FBXL13: variants seen among roughly 807,000 people sequenced by gnomAD.
The protein encoded by FBXL13 is F-box and leucine rich repeat protein 13, also known as F-box and leucine-rich repeat protein 13.
In FBXL13, 67 loss-of-function variants were observed where a neutral mutation model predicts 83.6. The ratio of observed to expected loss-of-function variants is 0.80; its 90% CI spans 0.66 to 0.98. FBXL13 has a LOEUF of 0.98. Ranked by LOEUF, FBXL13 falls within the 50% of genes least tolerant of loss-of-function variation. The probability of loss-of-function intolerance (pLI) is 0.00; values close to 1 mark genes in which losing one functional copy is unlikely to be tolerated. For synonymous variants in FBXL13, 272 were observed against 299.5 expected (o/e 0.91, Z 0.95); for missense variants, 822 against 866.5 (o/e 0.95, Z 0.64).
At chr7:103,060,065 C>CAT (rs1554517936) in intron 1 of FBXL13, among the ~76,000 whole-genome samples, 5 of 38,676 alleles carry the variant, frequency 1.3e-4, no homozygotes, top group East Asian at 7.3e-4. Context: ...TATATATATA[C>CAT]TTTTTTTTTT....
At chr7:103,022,030 C>T (rs1793241807) in intron 6 of FBXL13, among the ~76,000 whole-genome samples, 3 of 152,126 alleles carry the variant, frequency 2.0e-5, no homozygotes, top group Admixed American at 2.0e-4. Flanking sequence ...CACATGCACA[C>T]GTATGTTTAT....
At chr7:103,026,900 G>A (rs1299391471) in intron 5 of FBXL13, among the ~76,000 whole-genome samples, 3 of 152,072 alleles carry the variant, frequency 2.0e-5, no homozygotes, top group Non-Finnish European at 4.4e-5. Context: ...AATCCAGCAT[G>A]TTTCTACATC....
chr7:103,029,132 T>C (rs902099322), intron 3 of FBXL13, among the ~76,000 whole-genome samples: 19 of 152,030 alleles, frequency 1.2e-4, no homozygotes, highest in African/African-American at 4.3e-4. Flanking sequence ...TAAAGTTTTA[T>C]TTTTTAAGAA....
At chr7:102,983,468 G>A (rs1042014516) in intron 6 of FBXL13, among the ~76,000 whole-genome samples, 2 of 147,764 alleles carry the variant, frequency 1.4e-5, no homozygotes, top group Non-Finnish European at 3.0e-5. Context: ...CACCCAGGCT[G>A]GAGTGCAGTG....
At chr7:102,993,410 A>G (rs182316211) in intron 6 of FBXL13, among the ~76,000 whole-genome samples, 1 of 152,378 alleles carries the variant, frequency 6.6e-6, no homozygotes, top group East Asian at 1.9e-4. Context: ...GCAAGTCCAC[A>G]TGACATATAT....
chr7:102,963,320 CA>C (rs1263420772), intron 8 of FBXL13, among the ~76,000 whole-genome samples: 134 of 126,810 alleles, frequency 1.1e-3, no homozygotes, highest in Middle Eastern at 4.6e-3. Flanking sequence ...GACTCCATCT[CA>C]AAAAAAAAAA....
intron 6 of FBXL13, among the ~76,000 whole-genome samples, chr7:103,015,389 G>A (rs900782887): frequency 6.6e-6 from 1 of 152,146 alleles, no homozygotes; most frequent in Non-Finnish European, 1.5e-5. Flanking sequence ...AAGGAAGAGA[G>A]AAAGTCAAAC....
At position 103,034,246 on chromosome 7, in the gene FBXL13, T is replaced by A. The variant is rs553197410; in HGVS notation, c.1-4828A>T. On this transcript the variant is annotated intron_variant, in intron 2 of 19. Coordinates refer to ENST00000313221, the Ensembl canonical transcript of FBXL13. ...CCAGTCCTGTGCCGTGTGCCCACAC[T>A]CCTCAGCCATTGGGTGGTCGATGGG... 1.9e-4 allele frequency among the ~76,000 whole-genome samples: 29 copies of A among 152,240 alleles called. No individual in the cohort carries two copies. In the East Asian group the frequency reaches 5.4e-3, roughly 28 times the overall value.
At chr7:102,822,256 G>GAACA in intron 18 of FBXL13, 53 bp from the exon 20 acceptor site, 4 of 1,553,434 alleles carry the variant, frequency 2.6e-6, no homozygotes, top group Non-Finnish European at 3.5e-6. Flanking sequence ...TCTCAGGGAA[G>GAACA]AACAGTGCCT....
At chr7:103,018,832 C>G (rs1792729434) in intron 6 of FBXL13, among the ~76,000 whole-genome samples, 1 of 152,108 alleles carries the variant, frequency 6.6e-6, no homozygotes, top group Non-Finnish European at 1.5e-5. Flanking sequence ...AAAGCAAGTC[C>G]TTAGAGACCT....
At chr7:102,960,548 C>A in intron 8 of FBXL13, among the ~76,000 whole-genome samples, 1 of 151,126 alleles carries the variant, frequency 6.6e-6, no homozygotes, top group Non-Finnish European at 1.5e-5. Flanking sequence ...GAATTTTAGA[C>A]CAATATCCTT....
chr7:102,813,930 C>T (rs1443282525), intron 19 of FBXL13, among the ~76,000 whole-genome samples: 5 of 152,034 alleles, frequency 3.3e-5, no homozygotes, highest in South Asian at 2.1e-4. Context: ...AGCTCTTAAC[C>T]CAGAGTTCAC....
At chr7:103,039,675 C>T (rs1157297315) in intron 2 of FBXL13, among the ~76,000 whole-genome samples, 2 of 152,150 alleles carry the variant, frequency 1.3e-5, no homozygotes, top group African/African-American at 2.4e-5. Context: ...CAATATTCAA[C>T]ATTCTTAAAG....
At chr7:102,954,712 C>T (rs576578037) in intron 8 of FBXL13, among the ~76,000 whole-genome samples, 14 of 151,510 alleles carry the variant, frequency 9.2e-5, no homozygotes, top group African/African-American at 2.7e-4. Flanking sequence ...ACCAAGCAAA[C>T]GGAAAGCAAA....
intron 16 of FBXL13, among the ~76,000 whole-genome samples, chr7:102,865,268 T>C (rs1807460052): frequency 6.6e-6 from 1 of 152,234 alleles, no homozygotes; most frequent in African/African-American, 2.4e-5. Flanking sequence ...TGCTTCTTTC[T>C]GAAAGATTTG....
intron 16 of FBXL13, among the ~76,000 whole-genome samples, chr7:102,859,534 T>G (rs1374349140): frequency 1.3e-5 from 2 of 152,114 alleles, no homozygotes; most frequent in African/African-American, 2.4e-5. Flanking sequence ...CAAGTGACAT[T>G]TACATTTTAC....
At position 103,034,265 on chromosome 7, in the gene FBXL13, C is replaced by T. The variant is rs187765054; in HGVS notation, c.1-4847G>A. On this transcript the variant is annotated intron_variant, in intron 2 of 19. Transcript: ENST00000313221. ...CCACACTCCTCAGCCATTGGGTGGT[C>T]GATGGGACTGCGCACCGTGGAGCGG... 6.2e-3 allele frequency among the ~76,000 whole-genome samples: 948 copies of T among 152,262 alleles called. 13 individuals carry two copies. The highest frequency in any genetic ancestry group is 0.022 in the African/African-American group (913 of 41,562).
chr7:102,920,996 A>G (rs1202025350), intron 10 of FBXL13, among the ~76,000 whole-genome samples: 1 of 152,068 alleles, frequency 6.6e-6, no homozygotes, highest in Non-Finnish European at 1.5e-5. Context: ...TACTAAAAAT[A>G]CAAATATTAG....
At chr7:102,882,111 C>T (rs959177728) in intron 14 of FBXL13, among the ~76,000 whole-genome samples, 7 of 152,028 alleles carry the variant, frequency 4.6e-5, no homozygotes, top group African/African-American at 1.7e-4. Context: ...AATTTAAAAA[C>T]TAGCTGGATA....
Sources: gnomAD v4.1 joint callset for allele counts (sites outside exome capture counted in the v4.1 genomes callset) on GRCh38, gnomAD v4.1.1 for gene constraint, MANE v1.5 for transcripts, NCBI Gene and HGNC (gene_info 2026-07-23, HGNC 2026-07-21) for gene names.